ELFN2: variants seen among roughly 807,000 people sequenced by gnomAD.
The protein encoded by ELFN2 is extracellular leucine rich repeat and fibronectin type III domain containing 2.
Under a neutral mutation model 45.5 loss-of-function variants are expected in ELFN2, and 17 were observed. That is an observed-to-expected ratio of 0.37 (90% CI 0.26 to 0.56). The LOEUF is 0.56. Among genes scored for constraint, ELFN2 ranks in the 20% least tolerant of loss-of-function variants. The pLI is 0.77. For synonymous variants in ELFN2, 550 were observed against 551.5 expected (o/e 1.00, Z 0.04); for missense variants, 922 against 1,183.2 (o/e 0.78, Z 3.24).
Position 37,408,682 on chromosome 22 carries a change from G to A in ELFN2, c.-463+9087C>T, listed in dbSNP as rs61407016. On this transcript the variant is annotated intron_variant, in intron 2 of 2. Coordinates refer to ENST00000402918, the MANE Select transcript of ELFN2 (RefSeq NM_052906.5). ...TGGCCTTCCAGGGATTGCCAAGGGCGCCCAACACAGCAAGGCAGTCAGGTT... is the reference window on the plus strand; with the variant it reads ...TGGCCTTCCAGGGATTGCCAAGGGCACCCAACACAGCAAGGCAGTCAGGTT... 6.1e-3 allele frequency among the ~76,000 whole-genome samples: 923 copies of A among 152,252 alleles called. 7 individuals are homozygous for A. The highest frequency in any genetic ancestry group is 0.021 in the African/African-American group (882 of 41,542).
chr22:37,416,240 G>A lies in ELFN2; in HGVS notation c.-463+1529C>T, dbSNP rs114730285. Among the ~76,000 whole-genome samples the A allele has an allele frequency of 4.7e-3, 717 of 152,314 alleles. 9 individuals are homozygous for A. The highest frequency in any genetic ancestry group is 0.017 in the African/African-American group (702 of 41,550). ...CTTCAGGAGAACCCCTGGGGACTGG[G>A]GGGAGAGAGAGGACTCAACGGTGTC... is the stretch of plus-strand genomic sequence containing the variant. On this transcript the variant is annotated intron_variant, in intron 2 of 2. Transcript: ENST00000402918.
intron 1 of ELFN2, among the ~76,000 whole-genome samples, chr22:37,345,022 C>T (rs866993236): frequency 9.8e-5 from 15 of 152,324 alleles, no homozygotes; most frequent in Middle Eastern, 6.8e-3. Flanking sequence ...AGGGGCCACG[C>T]TCCCGTCAGT....
Position 37,372,085 on chromosome 22 carries a change from C to G in ELFN2, c.*987G>C, listed in dbSNP as rs1323370771. 1 of 152,268 alleles carries G rather than the reference C, an allele frequency of 6.6e-6. No homozygotes were observed. Among genetic ancestry groups the G allele is most frequent in the Admixed American group, 6.5e-5 (1 of 15,278 alleles). 9.4% of individuals were successfully genotyped at this position (152,268 alleles called of 1,614,324 possible). A position where few individuals can be genotyped will look rare whatever the true frequency, so the allele number is the denominator to read the frequency against. ...GCCCTTCTGCGGTGGGCAGGGGTCT[C>G]GGAGGACCAGAGAAGCTGGGGCCGG... On this transcript the variant is annotated 3_prime_UTR_variant, in exon 3 of 3. Coordinates refer to ENST00000402918, the MANE Select transcript of ELFN2 (RefSeq NM_052906.5). This position sits in a 1 kb window ranked among gnomAD's most constrained non-coding sequence, Gnocchi z 4.4.
chr22:37,365,330 A>C (rs1040883343), downstream of ELFN2, among the ~76,000 whole-genome samples: 2 of 152,158 alleles, frequency 1.3e-5, no homozygotes, highest in African/African-American at 4.8e-5. Flanking sequence ...TAAACAGAAA[A>C]GGAAGTTCCT....
intron 2 of ELFN2, among the ~76,000 whole-genome samples, chr22:37,414,147 G>A (rs1047185230): frequency 2.0e-5 from 3 of 152,194 alleles, no homozygotes; most frequent in African/African-American, 7.2e-5. Flanking sequence ...CAAGGTACTT[G>A]AGATAGAGCA....
At chr22:37,419,123 G>A (rs1336253974) in intron 1 of ELFN2, among the ~76,000 whole-genome samples, 2 of 151,640 alleles carry the variant, frequency 1.3e-5, no homozygotes, top group East Asian at 3.9e-4. Context: ...AGCCAGCGGC[G>A]CCCAACGGAA....
intron 2 of ELFN2, among the ~76,000 whole-genome samples, chr22:37,403,424 G>T (rs1932415073): frequency 6.6e-6 from 1 of 152,110 alleles, no homozygotes; most frequent in South Asian, 2.1e-4. Flanking sequence ...GGGCCGGAGG[G>T]TGGGGATGGG....
chr22:37,409,618 G>A (rs552721765), intron 2 of ELFN2, among the ~76,000 whole-genome samples: 11 of 152,346 alleles, frequency 7.2e-5, no homozygotes, highest in African/African-American at 2.4e-4. Flanking sequence ...CCAGGGCAGC[G>A]TGCCGGGTCA....
chr22:37,374,584 G>A lies in ELFN2; in HGVS notation c.951C>T (p.His317=), dbSNP rs1391372722. The A allele has an allele frequency of 1.9e-6, 3 of 1,614,266 alleles. No homozygotes were observed. Among genetic ancestry groups the A allele is most frequent in the Middle Eastern group, 3.3e-4 (2 of 6,062 alleles). ...TSATLVVIIP[H]PYSKMYILVQ... Reference sequence around the variant, plus strand: ...CGAGGATGTACATCTTGCTGTAGGGGTGTGGGATGATGACCACCAGGGTGG... The same window carrying A: ...CGAGGATGTACATCTTGCTGTAGGGATGTGGGATGATGACCACCAGGGTGG... The change falls in exon 3 of 3, where the codon CAC becomes CAT. Residue 317 remains histidine, a synonymous_variant. Transcript: ENST00000402918.
At chr22:37,406,848 G>A (rs1932514577) in intron 2 of ELFN2, among the ~76,000 whole-genome samples, 1 of 152,228 alleles carries the variant, frequency 6.6e-6, no homozygotes, top group African/African-American at 2.4e-5. Flanking sequence ...AGGGTGGGAT[G>A]AAGGAGACGT....
chr22:37,367,832 A>AC (rs1270564542), downstream of ELFN2: 1 of 152,044 alleles, frequency 6.6e-6, no homozygotes, highest in East Asian at 1.9e-4. Flanking sequence ...GCAGGCAGTG[A>AC]CCCCCACCCT....
Position 37,368,667 on chromosome 22 carries a change from G to A in ELFN2, c.*4405C>T, listed in dbSNP as rs1466456154. 6.6e-6 allele frequency: 1 copy of A among 152,332 alleles called. No individual in the cohort carries two copies. The highest frequency in any genetic ancestry group is 2.4e-5 in the African/African-American group (1 of 41,460). 9.4% of individuals were successfully genotyped at this position (152,332 alleles called of 1,614,324 possible). A position where few individuals can be genotyped will look rare whatever the true frequency, so the allele number is the denominator to read the frequency against. ...GGTGGCAATGGGGCCAGCCAGGCAA[G>A]GCTGCCCTAACCTTCACACTGGCTT... On this transcript the variant is annotated 3_prime_UTR_variant, in exon 3 of 3. Coordinates refer to ENST00000402918, the MANE Select transcript of ELFN2 (RefSeq NM_052906.5).
Position 37,373,069 on chromosome 22 carries a change from G to C in ELFN2, c.*3C>G, listed in dbSNP as rs569458468. On this transcript the variant is annotated 3_prime_UTR_variant, in exon 3 of 3. Transcript: ENST00000402918. ...CCGACCTCACCAGGGAGGAAGGGGG[G>C]GGTCACAGCTTCTGCTGGGCGGAGA... 92 of 1,583,098 alleles carry C rather than the reference G, an allele frequency of 5.8e-5. No individual in the cohort carries two copies. Among genetic ancestry groups the C allele is most frequent in the Non-Finnish European group, 7.3e-5 (85 of 1,159,996 alleles).
At chr22:37,393,810 C>T (rs553719444) in intron 2 of ELFN2, among the ~76,000 whole-genome samples, 6 of 152,300 alleles carry the variant, frequency 3.9e-5, no homozygotes, top group African/African-American at 1.4e-4. Context: ...CTTCCAGCAC[C>T]TTCTTCCCAA....
Position 37,373,372 on chromosome 22 carries a change from G to A in ELFN2, c.2163C>T (p.Ala721=), listed in dbSNP as rs766794867. ...SFPALYYEEG[A]DSLSQRVSFL... ...AGGACACGCGCTGGCTCAGGCTGTCGGCACCCTCCTCGTAGTACAGGGCGG... is the reference window on the plus strand; with the variant it reads ...AGGACACGCGCTGGCTCAGGCTGTCAGCACCCTCCTCGTAGTACAGGGCGG... Residue 721 remains alanine (A), a synonymous_variant, in exon 3 of 3, where the codon GCC becomes GCT. Coordinates refer to ENST00000402918, the MANE Select transcript of ELFN2 (RefSeq NM_052906.5). 1.2e-5 allele frequency: 19 copies of A among 1,612,024 alleles called. No individual in the cohort carries two copies. Among genetic ancestry groups the A allele is most frequent in the African/African-American group, 2.7e-5 (2 of 74,912 alleles).
intron 2 of ELFN2, among the ~76,000 whole-genome samples, chr22:37,378,969 C>T (rs148751077): frequency 9.2e-5 from 14 of 152,350 alleles, no homozygotes; most frequent in Admixed American, 2.6e-4. Context: ...CATGCCCCTC[C>T]CCTACTCCCA....
intron 1 of ELFN2, among the ~76,000 whole-genome samples, chr22:37,420,830 G>A (rs1177665780): frequency 6.6e-6 from 1 of 152,184 alleles, no homozygotes; most frequent in East Asian, 1.9e-4. Flanking sequence ...CTGCTGTGGC[G>A]CGGAAGGTTA....
chr22:37,375,651 C>G lies in ELFN2; in HGVS notation c.-117G>C. Reference sequence around the variant, plus strand: ...CCACCATCTTGGGGGCGACCCCCAGCACGGGGGCCCCAGGCAAGGTGGGTA... The same window carrying G: ...CCACCATCTTGGGGGCGACCCCCAGGACGGGGGCCCCAGGCAAGGTGGGTA... On this transcript the variant is annotated 5_prime_UTR_variant, in exon 3 of 3. Coordinates refer to ENST00000402918, the MANE Select transcript of ELFN2 (RefSeq NM_052906.5). The G allele has an allele frequency of 1.5e-6, 2 of 1,303,028 alleles. No homozygotes were observed. The highest frequency in any genetic ancestry group is 2.1e-6 in the Non-Finnish European group (2 of 967,678). The allele number at this position is 1,303,028 out of a possible 1,614,324, so 80.7% of individuals were successfully genotyped here.
chr22:37,411,153 C>T (rs992253336), intron 2 of ELFN2, among the ~76,000 whole-genome samples: 10 of 152,194 alleles, frequency 6.6e-5, no homozygotes, highest in South Asian at 4.1e-4. Context: ...CACACACAGG[C>T]GGGGCAACTT....
Sources: gnomAD v4.1 joint callset for allele counts (sites outside exome capture counted in the v4.1 genomes callset) on GRCh38, gnomAD v4.1.1 for gene constraint, Gnocchi (gnomAD v3.1) non-coding constraint, MANE v1.5 for transcripts, NCBI Gene and HGNC (gene_info 2026-07-23, HGNC 2026-07-21) for gene names.